Variants in CTTNBP2NL observed in about 807,000 individuals in gnomAD.
CTTNBP2NL encodes CTTNBP2 N-terminal like, also known as CTTNBP2 N-terminal-like protein.
Under a neutral mutation model 32.5 loss-of-function variants are expected in CTTNBP2NL, and 16 were observed. That is an observed-to-expected ratio of 0.49 (90% CI 0.33 to 0.75). The LOEUF is 0.75. Ranked by LOEUF, CTTNBP2NL falls within the 30% of genes least tolerant of loss-of-function variation. The pLI is 0.02. For missense variants in CTTNBP2NL, 645 were observed against 756.0 expected (o/e 0.85, Z 1.72); for synonymous variants, 298 against 289.4 (o/e 1.03, Z -0.30).
Position 112,416,500 on chromosome 1 carries a change from ATTC to A in CTTNBP2NL, c.99+239_99+241del, listed in dbSNP as rs1265058085. Among the ~76,000 whole-genome samples, 10 of 120,972 alleles carry A rather than the reference ATTC, an allele frequency of 8.3e-5. No homozygotes were observed. In the Admixed American group the frequency reaches 9.2e-4, roughly 11 times the overall value. 79.4% of individuals were successfully genotyped at this position (120,972 alleles called of 152,430 possible). A position where few individuals can be genotyped will look rare whatever the true frequency, so the allele number is the denominator to read the frequency against. On this transcript the variant is annotated intron_variant, in intron 3 of 5. Coordinates refer to ENST00000271277, the MANE Select transcript of CTTNBP2NL (RefSeq NM_018704.3). ...ATCTGATGTCTAGACCTTGAACTTC[ATTC>A]TTTTTTTTTTTTTGAGACGGAGTGT...
At chr1:112,416,074 C>G in intron 2 of CTTNBP2NL, 83 bp from the exon 3 acceptor site, 1 of 760,794 alleles carries the variant, frequency 1.3e-6, no homozygotes, top group South Asian at 1.6e-5. Flanking sequence ...TATAATTGCT[C>G]TTATCTCTCA....
intron 3 of CTTNBP2NL, among the ~76,000 whole-genome samples, chr1:112,440,911 G>T (rs1416324208): frequency 9.1e-6 from 1 of 110,120 alleles, no homozygotes; most frequent in Non-Finnish European, 2.2e-5. Flanking sequence ...CGTCTCTGTT[G>T]TTTTTGCTGT....
intron 3 of CTTNBP2NL, among the ~76,000 whole-genome samples, chr1:112,428,340 A>G (rs1649464405): frequency 6.6e-6 from 1 of 152,242 alleles, no homozygotes; most frequent in Non-Finnish European, 1.5e-5. Context: ...TCTTGCCCAA[A>G]GAAGATACTT....
At chr1:112,434,520 C>G (rs1164665428) in intron 3 of CTTNBP2NL, among the ~76,000 whole-genome samples, 1 of 152,142 alleles carries the variant, frequency 6.6e-6, no homozygotes, top group Non-Finnish European at 1.5e-5. Context: ...GTCTCTGGAT[C>G]TAGCCTCCTA....
At chr1:112,438,735 C>G (rs1300551526) in intron 3 of CTTNBP2NL, among the ~76,000 whole-genome samples, 1 of 152,122 alleles carries the variant, frequency 6.6e-6, no homozygotes, top group Non-Finnish European at 1.5e-5. Flanking sequence ...TAAAGGCAGT[C>G]TTAGGTTGGG....
chr1:112,441,088 T>TA (rs1385259073), intron 3 of CTTNBP2NL, among the ~76,000 whole-genome samples: 2 of 152,234 alleles, frequency 1.3e-5, no homozygotes, highest in African/African-American at 4.8e-5. Flanking sequence ...GCACAGATCT[T>TA]AAACATTTCA....
intron 3 of CTTNBP2NL, among the ~76,000 whole-genome samples, chr1:112,423,685 C>G (rs1649301245): frequency 6.6e-6 from 1 of 152,092 alleles, no homozygotes; most frequent in South Asian, 2.1e-4. Context: ...TTTTGAAGAG[C>G]AAAAGTTTTT....
intron 1 of CTTNBP2NL, among the ~76,000 whole-genome samples, chr1:112,409,559 G>T (rs1321214111): frequency 6.6e-6 from 1 of 152,114 alleles, no homozygotes; most frequent in African/African-American, 2.4e-5. Context: ...ATGTAGATAT[G>T]CTCACACCCA....
At position 112,457,494 on chromosome 1, in the gene CTTNBP2NL, T is replaced by A; in HGVS notation, c.*82T>A. ...GTCAGACTTCTGAGTCAGATTATGT[T>A]ATTTATTTTGATAGTAGCTGAAACC... On this transcript the variant is annotated 3_prime_UTR_variant, in exon 6 of 6. Coordinates refer to ENST00000271277, the MANE Select transcript of CTTNBP2NL (RefSeq NM_018704.3). 8.1e-7 allele frequency: 1 copy of A among 1,233,578 alleles called. No individual in the cohort carries two copies. Among genetic ancestry groups the A allele is most frequent in the Non-Finnish European group, 1.1e-6 (1 of 876,348 alleles). 76.4% of individuals were successfully genotyped at this position (1,233,578 alleles called of 1,614,324 possible).
chr1:112,452,093 G>T (rs919170890), intron 4 of CTTNBP2NL, among the ~76,000 whole-genome samples: 1 of 151,912 alleles, frequency 6.6e-6, no homozygotes, highest in Non-Finnish European at 1.5e-5. Flanking sequence ...ACCACTTTTG[G>T]CCAAAAGCAT....
rs1465432377 is a variant in CTTNBP2NL, at chr1:112,457,761, A to G, written c.*349A>G. 4 of 182,998 alleles carry G rather than the reference A, an allele frequency of 2.2e-5. No individual in the cohort carries two copies. Among genetic ancestry groups the G allele is most frequent in the Non-Finnish European group, 3.4e-5 (3 of 88,446 alleles). 11.3% of individuals were successfully genotyped at this position (182,998 alleles called of 1,614,324 possible). ...ATTTTGAATTATGCAGAAGTGGTTCATGCAGATTTTTATTCCAGATGAACA... is the reference window on the plus strand; with the variant it reads ...ATTTTGAATTATGCAGAAGTGGTTCGTGCAGATTTTTATTCCAGATGAACA... On this transcript the variant is annotated 3_prime_UTR_variant, in exon 6 of 6. Transcript: ENST00000271277.
Position 112,456,130 on chromosome 1 carries a change from G to A in CTTNBP2NL, c.638G>A (p.Arg213Gln), listed in dbSNP as rs200217404. The A allele has an allele frequency of 2.9e-5, 47 of 1,613,974 alleles. No homozygotes were observed. Among genetic ancestry groups the A allele is most frequent in the African/African-American group, 9.3e-5 (7 of 74,910 alleles). ...CTGAAATTGGAGAAGGAGAAGAGCC[G>A]GGTGAGTAAACTGGAAGAAGAGTTG... is the stretch of plus-strand genomic sequence containing the variant. The part of the protein sequence containing the change: ...LSLKLEKEKS[R>Q]VSKLEEELAA... Residue 213 changes from arginine to glutamine, a missense_variant, in exon 6 of 6, where the codon CGG becomes CAG. Coordinates refer to ENST00000271277, the MANE Select transcript of CTTNBP2NL (RefSeq NM_018704.3).
chr1:112,439,244 G>A (rs775770707), intron 3 of CTTNBP2NL, among the ~76,000 whole-genome samples: 1 of 151,744 alleles, frequency 6.6e-6, no homozygotes, highest in Non-Finnish European at 1.5e-5. Context: ...TTTTCATTCT[G>A]CCCTGTCTCT....
At chr1:112,405,918 G>T (rs545001519) in intron 1 of CTTNBP2NL, among the ~76,000 whole-genome samples, 2 of 152,270 alleles carry the variant, frequency 1.3e-5, no homozygotes, top group African/African-American at 4.8e-5. Flanking sequence ...GGGCGCAGTG[G>T]CTCACGCCTG....
chr1:112,442,540 C>T (rs1413929057), intron 3 of CTTNBP2NL, among the ~76,000 whole-genome samples: 1 of 151,938 alleles, frequency 6.6e-6, no homozygotes, highest in Admixed American at 6.6e-5. Flanking sequence ...CCAGAATGTA[C>T]ATATAATTTG....
chr1:112,432,455 A>C (rs1445356310), intron 3 of CTTNBP2NL, among the ~76,000 whole-genome samples: 2 of 152,192 alleles, frequency 1.3e-5, no homozygotes, highest in Non-Finnish European at 2.9e-5. Context: ...GATGTCAAGG[A>C]AACTGGATTC....
At position 112,449,082 on chromosome 1, in the gene CTTNBP2NL, C is replaced by T; in HGVS notation, c.240C>T (p.Leu80=). ...GEKQPVCTNP[L]SILKVVMKQC... ...AGCAGCCAGTCTGCACAAATCCACT[C>T]TCTATTCTTAAGGTTGTGATGAAGC... The change falls in exon 4 of 6, where the codon CTC becomes CTT. Residue 80 remains leucine (L), a synonymous_variant. Coordinates refer to ENST00000271277, the MANE Select transcript of CTTNBP2NL (RefSeq NM_018704.3). 6.2e-7 allele frequency: 1 copy of T among 1,613,500 alleles called. No homozygotes were observed. Among genetic ancestry groups the T allele is most frequent in the Non-Finnish European group, 8.5e-7 (1 of 1,179,406 alleles).
intron 1 of CTTNBP2NL, among the ~76,000 whole-genome samples, chr1:112,406,025 A>C (rs1407919947): frequency 2.0e-5 from 3 of 151,226 alleles, no homozygotes; most frequent in Non-Finnish European, 4.4e-5. Flanking sequence ...CTCTACTAAA[A>C]ATAGAAAAAT....
At chr1:112,454,274 G>A (rs1650305194) in intron 4 of CTTNBP2NL, among the ~76,000 whole-genome samples, 175 bp from the exon 5 acceptor site, 1 of 152,170 alleles carries the variant, frequency 6.6e-6, no homozygotes, top group Non-Finnish European at 1.5e-5. Flanking sequence ...GAGCTTTCAT[G>A]TCTTTCACTG....
Sources: allele counts gnomAD v4.1 joint callset (sites outside exome capture counted in the v4.1 genomes callset), GRCh38; gene constraint gnomAD v4.1.1; transcripts MANE v1.5; gene names NCBI Gene and HGNC (gene_info 2026-07-23, HGNC 2026-07-21).